Variants in ADGRG2 observed in about 807,000 individuals in gnomAD.
ADGRG2 encodes the protein adhesion G protein-coupled receptor G2, also known as G protein-coupled receptor 64.
ADGRG2 carries 26 observed loss-of-function variants against 74.1 expected under a neutral mutation model. That is an observed-to-expected ratio of 0.35 (90% CI 0.26 to 0.49). The LOEUF is 0.49. Ranked by LOEUF, ADGRG2 falls within the 20% of genes least tolerant of loss-of-function variation. The pLI is 0.99. For missense variants in ADGRG2, 619 were observed against 763.1 expected (o/e 0.81, Z 2.22); for synonymous variants, 296 against 295.2 (o/e 1.00, Z -0.03).
chrX:19,007,593 G>C (rs1293058863), intron 19 of ADGRG2, among the ~76,000 whole-genome samples: 1 of 111,997 alleles, frequency 8.9e-6, no homozygotes, highest in Non-Finnish European at 1.9e-5. Flanking sequence ...AGGATTTTGT[G>C]AATCTTTAAA....
intron 15 of ADGRG2, among the ~76,000 whole-genome samples, chrX:19,015,620 G>A (rs1389750984): frequency 8.9e-6 from 1 of 112,387 alleles, no homozygotes; most frequent in African/African-American, 3.2e-5. Flanking sequence ...TCGGGAGGCT[G>A]AGGCAGGGGA....
At chrX:19,117,943 G>GAAAAAAAA (rs369024078) in intron 1 of ADGRG2, among the ~76,000 whole-genome samples, 4 of 97,896 alleles carry the variant, frequency 4.1e-5, no homozygotes, top group African/African-American at 1.5e-4. Context: ...CTTTCAATGG[G>GAAAAAAAA]AAAAAAAAAA....
Position 19,013,912 on chromosome X carries a change from A to G in ADGRG2, c.873T>C (p.Asn291=), listed in dbSNP as rs200222503. ...EPPDYSPVTH[N]VPSPIGEIQP... ...GAATCTCCCCTATTGGAGAGGGAAC[A>G]TTGTGGGTCACAGGTGAATAATCTG... The change falls in exon 16 of 29, where the codon AAT becomes AAC. Residue 291 remains asparagine (N), a synonymous_variant. Coordinates refer to ENST00000379869, the MANE Select transcript of ADGRG2 (RefSeq NM_001079858.3). The G allele has an allele frequency of 8.1e-5, 98 of 1,208,376 alleles. No individual in the cohort carries two copies. Among genetic ancestry groups the G allele is most frequent in the Non-Finnish European group, 8.5e-5 (76 of 894,576 alleles).
chrX:19,012,112 T>G (rs759251327), intron 16 of ADGRG2, among the ~76,000 whole-genome samples: 1 of 112,615 alleles, frequency 8.9e-6, no homozygotes, highest in Non-Finnish European at 1.9e-5. Context: ...TGTATATTTC[T>G]GTTTCTGTTC....
chrX:19,020,656 C>T (rs1292303255), intron 14 of ADGRG2, among the ~76,000 whole-genome samples: 1 of 111,099 alleles, frequency 9.0e-6, no homozygotes, highest in African/African-American at 3.3e-5. Context: ...GAAAAATAAC[C>T]TTCTAGGGCT....
At chrX:19,113,269 T>C (rs1030403892) in intron 1 of ADGRG2, among the ~76,000 whole-genome samples, 1 of 109,942 alleles carries the variant, frequency 9.1e-6, no homozygotes, top group African/African-American at 3.3e-5. Context: ...TCCCAGCTAC[T>C]CGGGAAGCTG....
At chrX:19,091,758 G>A (rs1196879571) in intron 1 of ADGRG2, among the ~76,000 whole-genome samples, 1 of 112,306 alleles carries the variant, frequency 8.9e-6, no homozygotes, top group Non-Finnish European at 1.9e-5. Flanking sequence ...ATGAATGAGT[G>A]TGGCTGTGTG....
intron 1 of ADGRG2, among the ~76,000 whole-genome samples, chrX:19,098,669 G>A (rs1218635256): frequency 2.7e-5 from 3 of 111,352 alleles, no homozygotes; most frequent in Non-Finnish European, 5.7e-5. Context: ...TGGATATGAA[G>A]TGTGTTGGAG....
intron 1 of ADGRG2, among the ~76,000 whole-genome samples, chrX:19,098,450 T>A (rs73447623): frequency 0.018 from 1,958 of 111,845 alleles, 44 homozygotes; most frequent in African/African-American, 0.06. Flanking sequence ...TGGGCTGAAT[T>A]TTTTACTGGG....
At position 19,082,709 on chromosome X, in the gene ADGRG2, C is replaced by T. The variant is rs185896477; in HGVS notation, c.-9G>A. On this transcript the variant is annotated 5_prime_UTR_variant, in exon 2 of 29. Coordinates refer to ENST00000379869, the MANE Select transcript of ADGRG2 (RefSeq NM_001079858.3). ...AGAAATAGCATTACTCACCTGACCG[C>T]GAGTTCAGAAAACAAAGTGGAGAAC... is the stretch of plus-strand genomic sequence containing the variant. The T allele has an allele frequency of 1.9e-3, 208 of 111,889 alleles. No homozygotes were observed. Among genetic ancestry groups the T allele is most frequent in the Non-Finnish European group, 2.6e-3 (138 of 53,112 alleles). 9.2% of individuals were successfully genotyped at this position (111,889 alleles called of 1,213,427 possible).
At chrX:19,117,776 C>T (rs1309598979) in intron 1 of ADGRG2, among the ~76,000 whole-genome samples, 2 of 110,851 alleles carry the variant, frequency 1.8e-5, no homozygotes, top group Admixed American at 9.7e-5. Context: ...GAGATTACTA[C>T]CACTGCTCTC....
intron 3 of ADGRG2, among the ~76,000 whole-genome samples, chrX:19,058,186 G>A (rs1438412883): frequency 2.7e-5 from 3 of 111,939 alleles, no homozygotes; most frequent in Non-Finnish European, 5.6e-5. Flanking sequence ...GGCCTACTGT[G>A]TGCCAGGCAC....
chrX:19,065,528 T>C lies in ADGRG2; in HGVS notation c.118+3189A>G, dbSNP rs772134057. ...TTAGGTTTGTTTCAGAGCCATGCACTTTCCTATTTACCTGCCCCTGTTGTT... is the reference window on the plus strand; with the variant it reads ...TTAGGTTTGTTTCAGAGCCATGCACCTTCCTATTTACCTGCCCCTGTTGTT... On this transcript the variant is annotated intron_variant, in intron 3 of 28. Transcript: ENST00000379869. Among the ~76,000 whole-genome samples, 9 of 111,416 alleles carry C rather than the reference T, an allele frequency of 8.1e-5. No homozygotes were observed. In the East Asian group the frequency reaches 2.5e-3, roughly 31 times the overall value.
intron 19 of ADGRG2, among the ~76,000 whole-genome samples, chrX:19,007,756 C>T (rs2060267359): frequency 2.7e-5 from 3 of 111,945 alleles, no homozygotes; most frequent in Non-Finnish European, 5.6e-5. Flanking sequence ...TTTGTAACTG[C>T]TTAGGATAGT....
At chrX:19,092,865 C>G (rs1190071828) in intron 1 of ADGRG2, among the ~76,000 whole-genome samples, 1 of 111,453 alleles carries the variant, frequency 9.0e-6, no homozygotes, top group Non-Finnish European at 1.9e-5. Context: ...GATGACAAAA[C>G]GGCACTTTGT....
intron 15 of ADGRG2, 22 bp from the exon 16 acceptor site, chrX:19,014,096 A>G: frequency 8.7e-7 from 1 of 1,153,954 alleles, no homozygotes; most frequent in Non-Finnish European, 1.2e-6. Context: ...AATCAGAGAG[A>G]TACATGTGAG....
intron 3 of ADGRG2, among the ~76,000 whole-genome samples, chrX:19,063,157 C>G (rs959360221): frequency 1.3e-4 from 14 of 111,819 alleles, no homozygotes; most frequent in African/African-American, 4.6e-4. Context: ...TCTCTGTTGG[C>G]TAGTGGCCTG....
At chrX:19,054,798 G>C (rs780600682) in intron 3 of ADGRG2, among the ~76,000 whole-genome samples, 1 of 111,997 alleles carries the variant, frequency 8.9e-6, no homozygotes, top group African/African-American at 3.2e-5. Context: ...TCCTGTGGGA[G>C]ATCTGGGCAG....
chrX:19,008,254 CAATTA>C, intron 18 of ADGRG2, 131 bp from the exon 19 acceptor site: 1 of 457,002 alleles, frequency 2.2e-6, no homozygotes, highest in African/African-American at 2.5e-5. Flanking sequence ...ATAAAAACCA[CAATTA>C]CTTTTGCACC....
Sources: allele counts gnomAD v4.1 joint callset (sites outside exome capture counted in the v4.1 genomes callset), GRCh38; gene constraint gnomAD v4.1.1; transcripts MANE v1.5; gene names NCBI Gene and HGNC (gene_info 2026-07-23, HGNC 2026-07-21).